PAX5: variants seen among roughly 807,000 people sequenced by gnomAD.
PAX5 encodes the protein paired box 5.
A neutral mutation model predicts 43.7 loss-of-function variants in PAX5; 9 were observed. The observed-to-expected ratio is 0.21, with a 90% CI of 0.12 to 0.36. PAX5 has a LOEUF of 0.36. Ranked by LOEUF, PAX5 falls within the 10% of genes least tolerant of loss-of-function variation. The pLI is 1.00. For missense variants in PAX5, 383 were observed against 532.7 expected, an observed-to-expected ratio of 0.72 and a Z score of 2.77; for synonymous variants, 228 against 214.3, an observed-to-expected ratio of 1.06 and a Z score of -0.56.
chr9:36,924,691 G>T (rs1830440197), intron 6 of PAX5, among the ~76,000 whole-genome samples: 2 of 144,022 alleles, frequency 1.4e-5, no homozygotes, highest in Non-Finnish European at 3.0e-5. Flanking sequence ...CTGTACTCCA[G>T]CTTGGGTGAC....
chr9:37,030,764 A>AGC, intron 1 of PAX5, among the ~76,000 whole-genome samples: 1 of 152,320 alleles, frequency 6.6e-6, no homozygotes, highest in East Asian at 1.9e-4. Context: ...CACGCCTCCC[A>AGC]GCGCACTGCA....
At position 36,833,458 on chromosome 9, in the gene PAX5, A is replaced by G. The variant is rs187902545; in HGVS notation, c.*7102T>C. On this transcript the variant is annotated 3_prime_UTR_variant, in exon 10 of 10. Transcript: ENST00000358127. The stretch of plus-strand genomic sequence containing the variant: ...CATGTTTCTCCAACTAATCTAAAAT[A>G]AAGGTGTTGCAGTCAACCATTTAAC... 291 of 233,232 alleles carry G rather than the reference A, an allele frequency of 1.2e-3. No homozygotes were observed. The highest frequency in any genetic ancestry group is 2.3e-3 in the South Asian group (13 of 5,536). 14.4% of individuals were successfully genotyped at this position (233,232 alleles called of 1,614,324 possible). A position where few individuals can be genotyped will look rare whatever the true frequency, so the allele number is the denominator to read the frequency against.
intron 6 of PAX5, among the ~76,000 whole-genome samples, chr9:36,964,736 A>G (rs752306577): frequency 1.3e-5 from 2 of 152,170 alleles, no homozygotes; most frequent in African/African-American, 2.4e-5. Context: ...GTCTCTCAGA[A>G]GGGCTCTGAG....
chr9:36,848,099 C>T (rs1419558171), intron 8 of PAX5, among the ~76,000 whole-genome samples: 1 of 152,098 alleles, frequency 6.6e-6, no homozygotes, highest in Non-Finnish European at 1.5e-5. Flanking sequence ...CCACTCGTGG[C>T]CCAAGCCTGC....
intron 6 of PAX5, among the ~76,000 whole-genome samples, chr9:36,943,490 C>A (rs893560472): frequency 6.7e-6 from 1 of 149,572 alleles, no homozygotes; most frequent in Non-Finnish European, 1.5e-5. Flanking sequence ...CTTCAGCTCT[C>A]CTAAAGATAT....
chr9:36,939,669 A>T (rs1488365995), intron 6 of PAX5, among the ~76,000 whole-genome samples: 1 of 152,222 alleles, frequency 6.6e-6, no homozygotes, highest in Admixed American at 6.5e-5. Context: ...ACAGCCTGCT[A>T]AGGAAGATGG....
Position 36,840,463 on chromosome 9 carries a change from A to G in PAX5, c.*97T>C, listed in dbSNP as rs915834781. On this transcript the variant is annotated 3_prime_UTR_variant, in exon 10 of 10. Coordinates refer to ENST00000358127, the MANE Select transcript of PAX5 (RefSeq NM_016734.3). The stretch of plus-strand genomic sequence containing the variant: ...TCAGGCAAGTGGGGGATGCTGGGGG[A>G]CGGTCTCATGGGCTCTCTGGCTATC... The G allele has an allele frequency of 8.5e-7, 1 of 1,182,130 alleles. No homozygotes were observed. The highest frequency in any genetic ancestry group is 1.5e-5 in the African/African-American group (1 of 67,036). The allele number at this position is 1,182,130 out of a possible 1,614,324, so 73.2% of individuals were successfully genotyped here. A position where few individuals can be genotyped will look rare whatever the true frequency, so the allele number is the denominator to read the frequency against.
At chr9:36,998,845 A>C (rs1837615558) in intron 5 of PAX5, among the ~76,000 whole-genome samples, 1 of 152,234 alleles carries the variant, frequency 6.6e-6, no homozygotes, top group African/African-American at 2.4e-5. Flanking sequence ...ATATAGCATC[A>C]AATTTTTTAT....
intron 7 of PAX5, among the ~76,000 whole-genome samples, chr9:36,886,182 T>C (rs1343777064): frequency 1.3e-5 from 2 of 152,178 alleles, no homozygotes; most frequent in Non-Finnish European, 2.9e-5. Context: ...CGACCCCAAG[T>C]GCACTAGCAA....
chr9:36,995,019 G>C (rs1349405771), intron 5 of PAX5, among the ~76,000 whole-genome samples: 2 of 151,912 alleles, frequency 1.3e-5, no homozygotes, highest in Admixed American at 1.3e-4. Context: ...CTACATGAGG[G>C]GACATGTAGA....
chr9:37,002,667 G>T lies in PAX5; in HGVS notation c.585C>A (p.Asn195Lys). The T allele has an allele frequency of 1.2e-6, 2 of 1,612,078 alleles. No individual in the cohort carries two copies. Among genetic ancestry groups the T allele is most frequent in the Non-Finnish European group, 8.5e-7 (1 of 1,179,336 alleles). The change falls in exon 5 of 10, where the codon AAC becomes AAA. Residue 195 changes from asparagine (N) to lysine (K), a missense_variant. Physicochemically the swap from Asn to Lys is moderately conservative, Grantham distance 94. Coordinates refer to ENST00000358127, the MANE Select transcript of PAX5 (RefSeq NM_016734.3). Reference protein sequence around the residue: ...LGITSPSADTNKRKRDEGIQE... With the variant: ...LGITSPSADTKKRKRDEGIQE... Reference sequence around the variant, plus strand: ...TCTTACCTTCGTCTCTCTTGCGCTTGTTGGTGTCGGCGCTGGGGGACGTGA... The same window carrying T: ...TCTTACCTTCGTCTCTCTTGCGCTTTTTGGTGTCGGCGCTGGGGGACGTGA...
At chr9:36,855,772 GT>G (rs1323503405) in intron 8 of PAX5, among the ~76,000 whole-genome samples, 2 of 152,154 alleles carry the variant, frequency 1.3e-5, no homozygotes, top group Non-Finnish European at 2.9e-5. Flanking sequence ...CACACCACCA[GT>G]TGTTCTGCAC....
chr9:36,955,352 T>C (rs1446560117), intron 6 of PAX5, among the ~76,000 whole-genome samples: 1 of 152,232 alleles, frequency 6.6e-6, no homozygotes, highest in Non-Finnish European at 1.5e-5. Flanking sequence ...TTTTTTTATA[T>C]GCATCTGCGA....
At chr9:36,923,601 C>T in intron 6 of PAX5, 117 bp from the exon 7 acceptor site, 2 of 1,189,028 alleles carry the variant, frequency 1.7e-6, no homozygotes, top group East Asian at 2.4e-5. Context: ...TGTGCCAAGG[C>T]CCACAAGGGG....
At chr9:36,909,814 ATTTTTTTTTTTT>A (rs752114508) in intron 7 of PAX5, among the ~76,000 whole-genome samples, 1 of 91,872 alleles carries the variant, frequency 1.1e-5, no homozygotes, top group South Asian at 4.3e-4. Flanking sequence ...AGACATTTTA[ATTTTTTTTTTTT>A]TTTTTTTTTT....
intron 6 of PAX5, among the ~76,000 whole-genome samples, chr9:36,944,661 C>T (rs1266502112): frequency 6.6e-6 from 1 of 152,122 alleles, no homozygotes; most frequent in Non-Finnish European, 1.5e-5. Context: ...CAAAACCCCC[C>T]TAAAGAGCAA....
chr9:36,912,734 G>A (rs1829403624), intron 7 of PAX5, among the ~76,000 whole-genome samples: 1 of 152,160 alleles, frequency 6.6e-6, no homozygotes, highest in Non-Finnish European at 1.5e-5. Flanking sequence ...TCTGAGGAAG[G>A]CTGGGACTCG....
At chr9:36,844,277 G>C (rs1382051665) in intron 9 of PAX5, among the ~76,000 whole-genome samples, 3 of 152,172 alleles carry the variant, frequency 2.0e-5, no homozygotes, top group Non-Finnish European at 1.5e-5. Flanking sequence ...AGGGAGAGTA[G>C]AGTACCACAT....
At chr9:36,851,074 G>C (rs1284373720) in intron 8 of PAX5, among the ~76,000 whole-genome samples, 1 of 152,238 alleles carries the variant, frequency 6.6e-6, no homozygotes, top group Non-Finnish European at 1.5e-5. Flanking sequence ...GTGGCCTTGG[G>C]CAAGCGATTG....
Sources: allele counts gnomAD v4.1 joint callset (sites outside exome capture counted in the v4.1 genomes callset), GRCh38; gene constraint gnomAD v4.1.1; transcripts MANE v1.5; gene names NCBI Gene and HGNC (gene_info 2026-07-23, HGNC 2026-07-21).